SLIT2: variants seen among roughly 807,000 people sequenced by gnomAD.
SLIT2 encodes the protein slit guidance ligand 2.
In SLIT2, 41 loss-of-function variants were observed where a neutral mutation model predicts 185.7. The ratio of observed to expected loss-of-function variants is 0.22; its 90% confidence interval spans 0.17 to 0.29. The LOEUF is 0.29. SLIT2 is among the 10% of genes least tolerant of loss of function. SLIT2 has a pLI of 1.00. For synonymous variants in SLIT2, 693 were observed against 680.2 expected (o/e 1.02, Z -0.29); for missense variants, 1,571 against 1,909.0 (o/e 0.82, Z 3.30).
In SLIT2 at chr4:20,251,957, G is replaced by C. The variant is rs1314789488; in HGVS notation, c.-1859G>C. On this transcript the variant is annotated 5_prime_UTR_variant, in exon 1 of 37. Coordinates refer to ENST00000504154, the MANE Select transcript of SLIT2 (RefSeq NM_004787.4). ...CCGGACGGCGGAGCTTGGCGGCGGC[G>C]GTGGTGGTGGCTGCCGCAGACTGTG... Among the ~76,000 whole-genome samples, 1 of 152,126 alleles carries C rather than the reference G, an allele frequency of 6.6e-6. No individual in the cohort carries two copies. Among genetic ancestry groups the C allele is most frequent in the Non-Finnish European group, 1.5e-5 (1 of 68,006 alleles).
intron 4 of SLIT2, chr4:20,392,365 A>T (rs1194429980): frequency 1.3e-5 from 2 of 152,140 alleles, no homozygotes; most frequent in South Asian, 2.1e-4. Flanking sequence ...TAGGGTGCTT[A>T]CCATGAATGA....
intron 4 of SLIT2, among the ~76,000 whole-genome samples, chr4:20,367,181 A>G (rs193269460): frequency 2.8e-4 from 42 of 152,294 alleles, no homozygotes; most frequent in Admixed American, 2.4e-3. Flanking sequence ...ACAAAATCAT[A>G]TTCAAAAAAT....
At chr4:20,494,179 A>T (rs757723810) in intron 9 of SLIT2, among the ~76,000 whole-genome samples, 1 of 152,332 alleles carries the variant, frequency 6.6e-6, no homozygotes, top group Admixed American at 6.5e-5. Flanking sequence ...TTCGGAGGCT[A>T]TTTCTTTGGT....
intron 4 of SLIT2, among the ~76,000 whole-genome samples, chr4:20,327,361 G>C (rs374635013): frequency 6.6e-6 from 1 of 151,986 alleles, no homozygotes; most frequent in African/African-American, 2.4e-5. Context: ...ATAATACAGT[G>C]TAAATGAGTT....
At chr4:20,447,150 G>A (rs754986986) in intron 4 of SLIT2, among the ~76,000 whole-genome samples, 3 of 152,298 alleles carry the variant, frequency 2.0e-5, no homozygotes, top group Non-Finnish European at 2.9e-5. Context: ...CCTCTTCCTT[G>A]TTAGTCACAC....
chr4:20,377,468 C>T (rs1324476607), intron 4 of SLIT2, among the ~76,000 whole-genome samples: 1 of 152,076 alleles, frequency 6.6e-6, no homozygotes, highest in East Asian at 1.9e-4. Flanking sequence ...GCCCTACCCT[C>T]CCCTGTCATG....
chr4:20,290,694 G>T (rs1715714447), intron 4 of SLIT2, among the ~76,000 whole-genome samples: 1 of 150,870 alleles, frequency 6.6e-6, no homozygotes, highest in African/African-American at 2.4e-5. Flanking sequence ...TATGGTGGTT[G>T]CTTGGTAAAT....
intron 14 of SLIT2, among the ~76,000 whole-genome samples, chr4:20,524,851 T>TA (rs747828056): frequency 2.6e-5 from 4 of 152,230 alleles, no homozygotes; most frequent in Non-Finnish European, 5.9e-5. Context: ...TTTCCTTTTT[T>TA]ATGATAGAAT....
Position 20,486,182 on chromosome 4 carries a change from T to C in SLIT2, c.540-18T>C. ...ATTTTGTATCTAAAAATTCTAACTT[T>C]TCTTTTTAATTCTACAGCACTCTCA... is the stretch of plus-strand genomic sequence containing the variant. On this transcript the variant is annotated intron_variant, in intron 6 of 36. Transcript: ENST00000504154. 1 of 1,531,186 alleles carries C rather than the reference T, an allele frequency of 6.5e-7. No homozygotes were observed. Among genetic ancestry groups the C allele is most frequent in the Non-Finnish European group, 9.0e-7 (1 of 1,107,000 alleles). The allele number at this position is 1,531,186 out of a possible 1,614,324, so 94.8% of individuals were successfully genotyped here.
chr4:20,562,117 A>G (rs1311685423), intron 26 of SLIT2, among the ~76,000 whole-genome samples: 1 of 151,848 alleles, frequency 6.6e-6, no homozygotes, highest in Non-Finnish European at 1.5e-5. Context: ...GCAAATTTAC[A>G]GGATTTTAAC....
chr4:20,490,632 C>G lies in SLIT2; in HGVS notation c.776-1129C>G, dbSNP rs549793439. ...CTATTAAATGGTTATATTTTAGACC[C>G]TTGTTTGTGTTTTTTCACATGTTTT... On this transcript the variant is annotated intron_variant, in intron 8 of 36. Transcript: ENST00000504154. 2.0e-5 allele frequency among the ~76,000 whole-genome samples: 3 copies of G among 152,108 alleles called. No homozygotes were observed. In the East Asian group the frequency reaches 5.8e-4, roughly 29 times the overall value.
chr4:20,469,869 C>A (rs1201856946), intron 5 of SLIT2, among the ~76,000 whole-genome samples: 1 of 149,904 alleles, frequency 6.7e-6, no homozygotes, highest in East Asian at 2.0e-4. Flanking sequence ...GATTCTTCTG[C>A]CTCAGCCTCC....
At chr4:20,513,955 T>C (rs1332597899) in intron 11 of SLIT2, among the ~76,000 whole-genome samples, 1 of 152,114 alleles carries the variant, frequency 6.6e-6, no homozygotes, top group Non-Finnish European at 1.5e-5. Flanking sequence ...TGCTTGAAAC[T>C]GAAATGATGA....
intron 8 of SLIT2, chr4:20,490,014 G>C (rs915503580): frequency 6.6e-6 from 1 of 152,296 alleles, no homozygotes; most frequent in African/African-American, 2.4e-5. Flanking sequence ...CGTGAACCCC[G>C]GAGGTGGAGC....
At chr4:20,329,139 A>G (rs1560322100) in intron 4 of SLIT2, among the ~76,000 whole-genome samples, 1 of 152,118 alleles carries the variant, frequency 6.6e-6, no homozygotes, top group African/African-American at 2.4e-5. Flanking sequence ...TTACCTGTTT[A>G]TTCATTCATT....
At chr4:20,489,932 C>T (rs953725371) in intron 8 of SLIT2, 1 of 150,802 alleles carries the variant, frequency 6.6e-6, no homozygotes, top group Non-Finnish European at 1.5e-5. Context: ...ATTAAAAATA[C>T]AAAAAATTAG....
chr4:20,444,329 A>G (rs2148705166), intron 4 of SLIT2, among the ~76,000 whole-genome samples: 1 of 152,242 alleles, frequency 6.6e-6, no homozygotes, highest in South Asian at 2.1e-4. Flanking sequence ...GAACACCCTA[A>G]TGTGTAAGAA....
At chr4:20,332,673 CA>C (rs368864646) in intron 4 of SLIT2, among the ~76,000 whole-genome samples, 1 of 147,910 alleles carries the variant, frequency 6.8e-6, no homozygotes, top group Non-Finnish European at 1.5e-5. Flanking sequence ...GACTCCTTCT[CA>C]AAAAAAAACA....
chr4:20,310,968 G>A (rs557428424), intron 4 of SLIT2, among the ~76,000 whole-genome samples: 1 of 152,260 alleles, frequency 6.6e-6, no homozygotes, highest in South Asian at 2.1e-4. Context: ...CATTATAGCT[G>A]TAAACTCTTG....
Sources: allele counts gnomAD v4.1 joint callset (sites outside exome capture counted in the v4.1 genomes callset), GRCh38; gene constraint gnomAD v4.1.1; transcripts MANE v1.5; gene names NCBI Gene and HGNC (gene_info 2026-07-23, HGNC 2026-07-21).